DMRTB1: variants seen among roughly 807,000 people sequenced by gnomAD.
DMRTB1 encodes DMRT like family B with proline rich C-terminal 1.
A neutral mutation model predicts 25.2 loss-of-function variants in DMRTB1; 9 were observed. The observed-to-expected ratio is 0.36, with a 90% CI of 0.22 to 0.62. The LOEUF (loss-of-function observed/expected upper bound fraction) is 0.62. Ranked by LOEUF, DMRTB1 falls within the 20% of genes least tolerant of loss-of-function variation. DMRTB1 has a pLI of 0.71. For missense variants in DMRTB1, 551 were observed against 499.3 expected (o/e 1.10, Z -0.99); for synonymous variants, 269 against 238.1 (o/e 1.13, Z -1.20).
chr1:53,461,165 C>CGGA (rs145765358), intron 1 of DMRTB1, among the ~76,000 whole-genome samples: 1 of 152,016 alleles, frequency 6.6e-6, no homozygotes, highest in Admixed American at 6.6e-5. Flanking sequence ...CACTGTGACC[C>CGGA]GGAGGAGGAG....
chr1:53,459,930 A>T lies in DMRTB1; in HGVS notation c.477A>T (p.Gly159=). 1 of 1,561,944 alleles carries T rather than the reference A, an allele frequency of 6.4e-7. No homozygotes were observed. Among genetic ancestry groups the T allele is most frequent in the Non-Finnish European group, 8.6e-7 (1 of 1,163,644 alleles). ...CCGTGGCGATGCCCAGCCTTGCGGG[A>T]CCCCCTTTTGGGGCGGAGGCCGCAG... ...RAAVAMPSLA[G]PPFGAEAAGS... The change falls in exon 1 of 4, where the codon GGA becomes GGT. Residue 159 remains glycine, a synonymous_variant. Transcript: ENST00000371445.
At chr1:53,463,022 T>TCG (rs1229799454) in intron 2 of DMRTB1, among the ~76,000 whole-genome samples, 2 of 152,116 alleles carry the variant, frequency 1.3e-5, no homozygotes, top group Admixed American at 6.5e-5. Flanking sequence ...TTGTTAAGAG[T>TCG]GTGATCTCAG....
Position 53,461,454 on chromosome 1 carries a change from C to A in DMRTB1, c.578-19C>A. Reference sequence around the variant, plus strand: ...TCCCAGCGGTGTCTAACACTTCCCTCCTTGCTTGCGTTCTTTAGTGCGCCC... The same window carrying A: ...TCCCAGCGGTGTCTAACACTTCCCTACTTGCTTGCGTTCTTTAGTGCGCCC... On this transcript the variant is annotated intron_variant, in intron 1 of 3. Transcript: ENST00000371445. 6.4e-7 allele frequency: 1 copy of A among 1,558,082 alleles called. No individual in the cohort carries two copies. The highest frequency in any genetic ancestry group is 8.7e-7 in the Non-Finnish European group (1 of 1,148,060).
At chr1:53,462,024 A>G (rs1644025869) in intron 2 of DMRTB1, among the ~76,000 whole-genome samples, 1 of 152,174 alleles carries the variant, frequency 6.6e-6, no homozygotes, top group African/African-American at 2.4e-5. Context: ...CCAGGACCAG[A>G]GGTAGGCTCC....
In DMRTB1 at chr1:53,467,286, C is replaced by G. The variant is rs1644055641; in HGVS notation, c.*624C>G. ...ACTTCATTCCCCCTCCATAAAGTTT[C>G]AGCCATTATGGGCACTGGTTTTAAA... On this transcript the variant is annotated 3_prime_UTR_variant, in exon 4 of 4. Transcript: ENST00000371445. 6.5e-6 allele frequency: 1 copy of G among 152,810 alleles called. No individual in the cohort carries two copies. The highest frequency in any genetic ancestry group is 2.4e-5 in the African/African-American group (1 of 41,458). 9.5% of individuals were successfully genotyped at this position (152,810 alleles called of 1,614,324 possible). A position where few individuals can be genotyped will look rare whatever the true frequency, so the allele number is the denominator to read the frequency against.
chr1:53,459,502 C>A lies in DMRTB1; in HGVS notation c.49C>A (p.His17Asn). 6 of 1,613,276 alleles carry A rather than the reference C, an allele frequency of 3.7e-6. No individual in the cohort carries two copies. The highest frequency in any genetic ancestry group is 5.1e-6 in the Non-Finnish European group (6 of 1,180,030). ...CCCCAAGTGCTCGAGATGCAGGAAC[C>A]ATGGCTTCCTGGTGCCCGTCAAGGG... is the stretch of plus-strand genomic sequence containing the variant. ...RTPKCSRCRNHGFLVPVKGHA... is the reference protein window; with the variant it reads ...RTPKCSRCRNNGFLVPVKGHA... Residue 17 changes from histidine to asparagine, a missense_variant, in exon 1 of 4, where the codon CAT (histidine) becomes AAT (asparagine). Coordinates refer to ENST00000371445, the MANE Select transcript of DMRTB1 (RefSeq NM_033067.3).
rs1212863413 is a variant in DMRTB1, at chr1:53,459,570, G to C, written c.117G>C (p.Lys39Asn). 6.2e-7 allele frequency: 1 copy of C among 1,609,188 alleles called. No individual in the cohort carries two copies. The highest frequency in any genetic ancestry group is 2.2e-5 in the East Asian group (1 of 44,768). Reference sequence around the variant, plus strand: ...GCTGGAAGCAGTGCCTCTGCGAGAAGTGCTACCTGATCTCCGAGCGCCAGA... The same window carrying C: ...GCTGGAAGCAGTGCCTCTGCGAGAACTGCTACCTGATCTCCGAGCGCCAGA... Reference protein sequence around the residue: ...KCRWKQCLCEKCYLISERQKI... With the variant: ...KCRWKQCLCENCYLISERQKI... Residue 39 changes from lysine to asparagine, a missense_variant, in exon 1 of 4, where the codon AAG becomes AAC. Coordinates refer to ENST00000371445, the MANE Select transcript of DMRTB1 (RefSeq NM_033067.3).
At position 53,459,636 on chromosome 1, in the gene DMRTB1, C is replaced by G. The variant is rs201603810; in HGVS notation, c.183C>G (p.Ala61=). The change falls in exon 1 of 4, where the codon GCC becomes GCG. Residue 61 remains alanine, a synonymous_variant. Transcript: ENST00000371445. ...AGAAGGTGCTCAAGACGCAGGCCGC[C>G]GAGGAGGAGCAGGAGGCGGCCCTGT... ...AAQKVLKTQA[A]EEEQEAALCA... is the part of the protein sequence containing the mutation. The G allele has an allele frequency of 4.5e-6, 7 of 1,560,910 alleles. No individual in the cohort carries two copies. The highest frequency in any genetic ancestry group is 5.2e-6 in the Non-Finnish European group (6 of 1,153,620).
chr1:53,461,947 C>T (rs1435930429), intron 2 of DMRTB1, among the ~76,000 whole-genome samples: 2 of 152,116 alleles, frequency 1.3e-5, no homozygotes, highest in African/African-American at 4.8e-5. Flanking sequence ...GCTAGAAGGG[C>T]CCTTCATTTT....
intron 3 of DMRTB1, 70 bp from the exon 4 acceptor site, chr1:53,466,525 C>A: frequency 7.0e-7 from 1 of 1,422,306 alleles, no homozygotes; most frequent in Non-Finnish European, 9.8e-7. Flanking sequence ...AAAAGAAAAT[C>A]TTCATCTGCA....
In DMRTB1 at chr1:53,460,049, C is replaced by G; in HGVS notation, c.577+19C>G. On this transcript the variant is annotated intron_variant, in intron 1 of 3. Coordinates refer to ENST00000371445, the MANE Select transcript of DMRTB1 (RefSeq NM_033067.3). ...GACTTTGGTAAGTCGTGGCCTTGGT[C>G]CCGCGGTCGACTCCCGGAGCTGGCA... 6.5e-7 allele frequency: 1 copy of G among 1,544,922 alleles called. No individual in the cohort carries two copies. The highest frequency in any genetic ancestry group is 2.5e-5 in the East Asian group (1 of 40,268).
rs1644051765 is a variant in DMRTB1, at chr1:53,466,645, C to T, written c.1012C>T (p.Gln338Ter). ...GGGTGAGCCCAGCCAGCCATCGTCT[C>T]AGGAGCAGTCCGACTAGGCCCCAGG... ...LSGEPSQPSSQEQSD is the reference protein window; with the variant it reads ...LSGEPSQPSS Residue 338 changes from glutamine to a stop codon, truncating the protein, a stop_gained, in exon 4 of 4, where the codon CAG (glutamine) becomes TAG (stop). Transcript: ENST00000371445. LOFTEE classifies it high-confidence loss of function. 1 of 1,614,204 alleles carries T rather than the reference C, an allele frequency of 6.2e-7. No homozygotes were observed. Among genetic ancestry groups the T allele is most frequent in the East Asian group, 2.2e-5 (1 of 44,890 alleles).
chr1:53,459,774 C>T lies in DMRTB1; in HGVS notation c.321C>T (p.Ala107=), dbSNP rs1396228536. 5.8e-6 allele frequency: 8 copies of T among 1,378,878 alleles called. No individual in the cohort carries two copies. The highest frequency in any genetic ancestry group is 7.5e-6 in the Non-Finnish European group (8 of 1,068,978). 85.4% of individuals were successfully genotyped at this position (1,378,878 alleles called of 1,614,324 possible). The change falls in exon 1 of 4, where the codon GCC becomes GCT. Residue 107 remains alanine, a synonymous_variant. Coordinates refer to ENST00000371445, the MANE Select transcript of DMRTB1 (RefSeq NM_033067.3). ...PLSPGTPSGD[A]DPGPEGRAAA... ...CCCCGGGGACTCCCTCCGGAGACGC[C>T]GACCCGGGACCCGAGGGCCGCGCGG...
At position 53,459,791 on chromosome 1, in the gene DMRTB1, G is replaced by A; in HGVS notation, c.338G>A (p.Gly113Asp). The change falls in exon 1 of 4, where the codon GGC becomes GAC. Residue 113 changes from glycine to aspartate, a missense_variant. Gly to Asp is a moderately conservative substitution (Grantham distance 94). Transcript: ENST00000371445. ...GGAGACGCCGACCCGGGACCCGAGG[G>A]CCGCGCGGCCGCTTGCTTCTTCGAG... ...PSGDADPGPE[G>D]RAAACFFEQP... 7.1e-7 allele frequency: 1 copy of A among 1,402,876 alleles called. No individual in the cohort carries two copies. Among genetic ancestry groups the A allele is most frequent in the Admixed American group, 3.1e-5 (1 of 31,976 alleles). The allele number at this position is 1,402,876 out of a possible 1,614,324, so 86.9% of individuals were successfully genotyped here.
In DMRTB1 at chr1:53,467,420, A is replaced by G. The variant is rs764334965; in HGVS notation, c.*758A>G. 1 of 152,288 alleles carries G rather than the reference A, an allele frequency of 6.6e-6. No individual in the cohort carries two copies. Among genetic ancestry groups the G allele is most frequent in the African/African-American group, 2.4e-5 (1 of 41,464 alleles). The allele number at this position is 152,288 out of a possible 1,614,324, so 9.4% of individuals were successfully genotyped here. A position where few individuals can be genotyped will look rare whatever the true frequency, so the allele number is the denominator to read the frequency against. ...CCTAGGGAATAGAATGGTGCTTCTG[A>G]TCACCTGTGACATGAACAGTTTCTT... On this transcript the variant is annotated 3_prime_UTR_variant, in exon 4 of 4. Coordinates refer to ENST00000371445, the MANE Select transcript of DMRTB1 (RefSeq NM_033067.3).
chr1:53,464,538 C>G, intron 2 of DMRTB1, 99 bp from the exon 3 acceptor site: 3 of 1,587,282 alleles, frequency 1.9e-6, no homozygotes, highest in Non-Finnish European at 2.6e-6. Flanking sequence ...GCATCTACCC[C>G]ATCAGGAGCC....
intron 1 of DMRTB1, among the ~76,000 whole-genome samples, chr1:53,460,823 G>A (rs1644018155): frequency 6.6e-6 from 1 of 152,192 alleles, no homozygotes; most frequent in Non-Finnish European, 1.5e-5. Flanking sequence ...GGGTCACGCT[G>A]GACAAGCTCC....
At chr1:53,463,787 G>A (rs1644035609) in intron 2 of DMRTB1, among the ~76,000 whole-genome samples, 1 of 152,214 alleles carries the variant, frequency 6.6e-6, no homozygotes, top group South Asian at 2.1e-4. Context: ...ACTCAGCTCA[G>A]GATGTGTTGC....
At chr1:53,462,117 A>G (rs1644026216) in intron 2 of DMRTB1, among the ~76,000 whole-genome samples, 1 of 152,180 alleles carries the variant, frequency 6.6e-6, no homozygotes, top group Non-Finnish European at 1.5e-5. Flanking sequence ...AAAAATACGG[A>G]AACCTTCCCC....
Sources: allele counts gnomAD v4.1 joint callset (sites outside exome capture counted in the v4.1 genomes callset), GRCh38; gene constraint gnomAD v4.1.1; transcripts MANE v1.5; gene names NCBI Gene and HGNC (gene_info 2026-07-23, HGNC 2026-07-21).